The following SLC7A2 variants were observed in gnomAD, a reference collection of about 807,000 sequenced individuals.
The protein encoded by SLC7A2 is solute carrier family 7 member 2.
A neutral mutation model predicts 58.9 loss-of-function variants in SLC7A2; 48 were observed. That is an observed-to-expected ratio of 0.82 (90% CI 0.65 to 1.04). The LOEUF (loss-of-function observed/expected upper bound fraction) is 1.04. Ranked by LOEUF, SLC7A2 falls within the 50% of genes least tolerant of loss-of-function variation. SLC7A2 has a pLI of 0.00. For synonymous variants in SLC7A2, 363 were observed against 314.5 expected, an observed-to-expected ratio of 1.15 and a Z score of -1.63; for missense variants, 1,029 against 818.8, an observed-to-expected ratio of 1.26 and a Z score of -3.13.
At chr8:17,533,989 C>T (rs1391705664) in intron 2 of SLC7A2, among the ~76,000 whole-genome samples, 1 of 152,132 alleles carries the variant, frequency 6.6e-6, no homozygotes, top group Admixed American at 6.5e-5. Context: ...TGCTCAGCTC[C>T]CACTTATAAG....
At chr8:17,510,248 A>C (rs184889698) in intron 2 of SLC7A2, among the ~76,000 whole-genome samples, 1 of 151,690 alleles carries the variant, frequency 6.6e-6, no homozygotes, top group East Asian at 1.9e-4. Context: ...TAATAATAAT[A>C]ATAATAAAAG....
chr8:17,527,544 T>C (rs898096106), intron 2 of SLC7A2, among the ~76,000 whole-genome samples: 1 of 152,198 alleles, frequency 6.6e-6, no homozygotes, highest in African/African-American at 2.4e-5. Flanking sequence ...AAACTTGAAG[T>C]CCAAAATCAA....
intron 8 of SLC7A2, chr8:17,555,023 C>T: frequency 6.2e-7 from 1 of 1,613,892 alleles, no homozygotes; most frequent in Non-Finnish European, 8.5e-7. Flanking sequence ...AGATTTCTTG[C>T]CAGAGTGAGT....
intron 8 of SLC7A2, among the ~76,000 whole-genome samples, chr8:17,556,931 G>A (rs377580281): frequency 7.2e-5 from 11 of 152,076 alleles, no homozygotes; most frequent in African/African-American, 2.2e-4. Context: ...AGTGAGGCAC[G>A]CAGTGTGTTA....
chr8:17,557,568 C>T (rs1029395566), intron 8 of SLC7A2, among the ~76,000 whole-genome samples: 1 of 152,194 alleles, frequency 6.6e-6, no homozygotes, highest in African/African-American at 2.4e-5. Context: ...CTGTGACTCA[C>T]ACCTGTAATC....
intron 2 of SLC7A2, among the ~76,000 whole-genome samples, chr8:17,515,703 A>G (rs1305941657): frequency 6.6e-6 from 1 of 152,206 alleles, no homozygotes; most frequent in Admixed American, 6.5e-5. Context: ...TTTATACAGT[A>G]CAGAGAACCA....
chr8:17,537,515 T>G (rs17124777), intron 2 of SLC7A2, among the ~76,000 whole-genome samples: 4,066 of 152,270 alleles, frequency 0.027, 186 homozygotes, highest in African/African-American at 0.093. Context: ...CCTTTGACTG[T>G]TTAACCCTGA....
At chr8:17,527,433 C>T (rs540401832) in intron 2 of SLC7A2, among the ~76,000 whole-genome samples, 19 of 152,246 alleles carry the variant, frequency 1.2e-4, no homozygotes, top group South Asian at 4.1e-4. Flanking sequence ...TTTCAAGAAA[C>T]GTGTAATCTA....
chr8:17,556,572 C>T (rs1337972845), intron 8 of SLC7A2, among the ~76,000 whole-genome samples: 1 of 151,898 alleles, frequency 6.6e-6, no homozygotes, highest in African/African-American at 2.4e-5. Flanking sequence ...GATTTTTAAG[C>T]ATACCAAAAT....
intron 2 of SLC7A2, among the ~76,000 whole-genome samples, chr8:17,508,453 G>C (rs1800464153): frequency 6.6e-6 from 1 of 152,308 alleles, no homozygotes; most frequent in Admixed American, 6.5e-5. Flanking sequence ...GCCGGGCACA[G>C]TGGCTCATGC....
Position 17,554,607 on chromosome 8 carries a change from C to T in SLC7A2, c.1103C>T (p.Ala368Val), listed in dbSNP as rs376240561. 67 of 1,612,990 alleles carry T rather than the reference C, an allele frequency of 4.2e-5. No homozygotes were observed. The highest frequency in any genetic ancestry group is 5.3e-5 in the Non-Finnish European group (63 of 1,179,736). Reference sequence around the variant, plus strand: ...ATGCCTCGTGTAATCTATGCTATGGCGGAGGATGGGTTGCTTTTCAAATGT... The same window carrying T: ...ATGCCTCGTGTAATCTATGCTATGGTGGAGGATGGGTTGCTTTTCAAATGT... ...FPMPRVIYAM[A>V]EDGLLFKCLA... The change falls in exon 8 of 13, where the codon GCG becomes GTG. Residue 368 changes from alanine to valine, a missense_variant. Physicochemically the swap from Ala to Val is moderately conservative, Grantham distance 64. Coordinates refer to ENST00000494857, the MANE Select transcript of SLC7A2 (RefSeq NM_001370338.1).
chr8:17,567,728 T>C lies in SLC7A2; in HGVS notation c.*2582T>C, dbSNP rs1389946677. On this transcript the variant is annotated 3_prime_UTR_variant, in exon 13 of 13. Coordinates refer to ENST00000494857, the MANE Select transcript of SLC7A2 (RefSeq NM_001370338.1). ...ATGCTTATACCTAATTTTTAGTTTT[T>C]AAACTATTTTAAAATATACTATGAT... The C allele has an allele frequency of 6.6e-6, 1 of 152,248 alleles. No individual in the cohort carries two copies. The highest frequency in any genetic ancestry group is 1.5e-5 in the Non-Finnish European group (1 of 68,042). The allele number at this position is 152,248 out of a possible 1,614,324, so 9.4% of individuals were successfully genotyped here.
chr8:17,502,806 A>T (rs1018069126), intron 2 of SLC7A2, among the ~76,000 whole-genome samples: 1 of 152,166 alleles, frequency 6.6e-6, no homozygotes, highest in African/African-American at 2.4e-5. Context: ...AAATTCTTTA[A>T]TCATAATTCT....
At chr8:17,560,207 T>C in intron 9 of SLC7A2, 121 bp from the exon 10 acceptor site, 1 of 700,634 alleles carries the variant, frequency 1.4e-6, no homozygotes, top group South Asian at 1.7e-5. Context: ...GAGTCATAAG[T>C]GTTGATTTAC....
intron 4 of SLC7A2, among the ~76,000 whole-genome samples, chr8:17,547,417 C>T (rs897344542): frequency 6.6e-6 from 1 of 152,084 alleles, no homozygotes; most frequent in Non-Finnish European, 1.5e-5. Flanking sequence ...ATGGGAGTTA[C>T]AATTCAAGAT....
upstream of SLC7A2, among the ~76,000 whole-genome samples, chr8:17,496,870 C>G (rs1318557120): frequency 6.6e-6 from 1 of 151,948 alleles, no homozygotes; most frequent in African/African-American, 2.4e-5. Context: ...CGGCCTAGCC[C>G]GGGGCTAGCG....
At chr8:17,535,471 C>T (rs1309478702) in intron 2 of SLC7A2, among the ~76,000 whole-genome samples, 1 of 152,126 alleles carries the variant, frequency 6.6e-6, no homozygotes, top group Non-Finnish European at 1.5e-5. Context: ...ATTGCAATGG[C>T]CATCATCTGT....
chr8:17,553,125 T>C (rs1201062992), intron 7 of SLC7A2, among the ~76,000 whole-genome samples: 1 of 152,186 alleles, frequency 6.6e-6, no homozygotes, highest in Admixed American at 6.5e-5. Flanking sequence ...ATAATCATAG[T>C]TCACTGAGGC....
chr8:17,565,417 T>C lies in SLC7A2; in HGVS notation c.*271T>C. ...ATGTGTGTATGTATGTATCTATGTA[T>C]ATGCTTGGGAACATGAGTGTTACAA... is the stretch of plus-strand genomic sequence containing the variant. On this transcript the variant is annotated 3_prime_UTR_variant, in exon 13 of 13. Transcript: ENST00000494857. 3.0e-6 allele frequency: 1 copy of C among 334,134 alleles called. No individual in the cohort carries two copies. The highest frequency in any genetic ancestry group is 5.5e-6 in the Non-Finnish European group (1 of 182,096). The allele number at this position is 334,134 out of a possible 1,614,324, so 20.7% of individuals were successfully genotyped here.
Sources: allele counts gnomAD v4.1 joint callset (sites outside exome capture counted in the v4.1 genomes callset), GRCh38; gene constraint gnomAD v4.1.1; transcripts MANE v1.5; gene names NCBI Gene and HGNC (gene_info 2026-07-23, HGNC 2026-07-21).